Variants in IFFO2 observed in about 807,000 individuals in gnomAD.
IFFO2 encodes intermediate filament family orphan 2.
A neutral mutation model predicts 53.5 loss-of-function variants in IFFO2; 19 were observed. That is an observed-to-expected ratio of 0.36 (90% CI 0.25 to 0.52). IFFO2 has a LOEUF of 0.52. Ranked by LOEUF, IFFO2 falls within the 20% of genes least tolerant of loss-of-function variation. The pLI, the probability that IFFO2 is intolerant of heterozygous loss-of-function variation, is 0.94. For missense variants in IFFO2, 570 were observed against 727.4 expected, an observed-to-expected ratio of 0.78 and a Z score of 2.49; for synonymous variants, 303 against 313.6, an observed-to-expected ratio of 0.97 and a Z score of 0.36.
chr1:18,932,308 C>T (rs1936389373), intron 1 of IFFO2, among the ~76,000 whole-genome samples: 1 of 152,210 alleles, frequency 6.6e-6, no homozygotes, highest in African/African-American at 2.4e-5. Flanking sequence ...AGAGCAGCAA[C>T]CTTGTTTCTC....
intron 5 of IFFO2, among the ~76,000 whole-genome samples, chr1:18,914,894 G>T (rs1198159050): frequency 1.3e-5 from 2 of 150,574 alleles, no homozygotes; most frequent in Non-Finnish European, 2.9e-5. Flanking sequence ...GGTATCAAAA[G>T]AGGAATCAAG....
At chr1:18,912,688 A>G (rs1936059109) in intron 5 of IFFO2, among the ~76,000 whole-genome samples, 1 of 152,202 alleles carries the variant, frequency 6.6e-6, no homozygotes, top group Admixed American at 6.5e-5. Flanking sequence ...CAACGCCCTC[A>G]AAACAATTCC....
chr1:18,955,618 T>TG lies in IFFO2; in HGVS notation c.665+49dup. 3 of 1,517,274 alleles carry TG rather than the reference T, an allele frequency of 2.0e-6. No individual in the cohort carries two copies. In the South Asian group the frequency reaches 3.6e-5, roughly 18 times the overall value. The allele number at this position is 1,517,274 out of a possible 1,614,324, so 94.0% of individuals were successfully genotyped here. On this transcript the variant is annotated intron_variant, in intron 1 of 8. Coordinates refer to ENST00000455833, the MANE Select transcript of IFFO2 (RefSeq NM_001136265.2). ...CCCGCATACGCATTCCGCGGCAGCCTGGACCTGGGCGCCCCGTCCCAGGGC... is the reference window on the plus strand; with the variant it reads ...CCCGCATACGCATTCCGCGGCAGCCTGGGACCTGGGCGCCCCGTCCCAGGGC...
chr1:18,924,167 C>G (rs1023490812), intron 1 of IFFO2, among the ~76,000 whole-genome samples: 1 of 152,232 alleles, frequency 6.6e-6, no homozygotes, highest in Non-Finnish European at 1.5e-5. Context: ...CCAGTGTTGA[C>G]AATGCAGAAA....
intron 1 of IFFO2, among the ~76,000 whole-genome samples, chr1:18,923,494 G>C (rs1304809709): frequency 6.6e-6 from 1 of 152,290 alleles, no homozygotes; most frequent in East Asian, 1.9e-4. Flanking sequence ...CATTAACTGG[G>C]GGGTACGTTC....
intron 5 of IFFO2, among the ~76,000 whole-genome samples, chr1:18,914,486 G>A (rs935562480): frequency 8.5e-5 from 13 of 152,258 alleles, no homozygotes; most frequent in African/African-American, 2.4e-4. Context: ...CCAGGGCAAC[G>A]TTCAGAAAAC....
chr1:18,912,466 A>C (rs959202122), intron 5 of IFFO2, among the ~76,000 whole-genome samples: 4 of 152,230 alleles, frequency 2.6e-5, no homozygotes, highest in African/African-American at 9.7e-5. Flanking sequence ...CAATTTGGAA[A>C]GGTTGGTATT....
chr1:18,912,124 A>C, intron 5 of IFFO2, 41 bp from the exon 6 acceptor site: 1 of 1,550,652 alleles, frequency 6.4e-7, no homozygotes, highest in South Asian at 1.2e-5. Flanking sequence ...AACAGAAGGC[A>C]GGCTCCAGGG....
intron 1 of IFFO2, among the ~76,000 whole-genome samples, chr1:18,950,718 G>T (rs931607380): frequency 1.3e-5 from 2 of 152,228 alleles, no homozygotes; most frequent in African/African-American, 4.8e-5. Flanking sequence ...CGGGCTTCGG[G>T]ACATTCAGGG....
Position 18,917,173 on chromosome 1 carries a change from G to A in IFFO2, c.964-131C>T, listed in dbSNP as rs1458412567. ...CTGGGGCCGGCCAGTGCCAGGAAAG[G>A]TGCAGGTCCTCTAAGAAGCAGGCGG... On this transcript the variant is annotated intron_variant, in intron 4 of 8. Coordinates refer to ENST00000455833, the MANE Select transcript of IFFO2 (RefSeq NM_001136265.2). The surrounding 1 kb of genome is among the most constrained non-coding windows in gnomAD (Gnocchi z 5.9). The A allele has an allele frequency of 5.0e-6, 5 of 1,007,904 alleles. No homozygotes were observed. The highest frequency in any genetic ancestry group is 7.1e-6 in the Non-Finnish European group (5 of 700,226). 62.4% of individuals were successfully genotyped at this position (1,007,904 alleles called of 1,614,324 possible).
rs1056460231 is a variant in IFFO2, at chr1:18,947,020, T to A, written c.665+8648A>T. ...GATGCTGCCACATGGCATGACACATTTGTCTATGTCCCCAGATTCTGAGTT... is the reference window on the plus strand; with the variant it reads ...GATGCTGCCACATGGCATGACACATATGTCTATGTCCCCAGATTCTGAGTT... On this transcript the variant is annotated intron_variant, in intron 1 of 8. Transcript: ENST00000455833. This position sits in a 1 kb window ranked among gnomAD's most constrained non-coding sequence, Gnocchi z 5.0. Among the ~76,000 whole-genome samples, 2 of 152,218 alleles carry A rather than the reference T, an allele frequency of 1.3e-5. No individual in the cohort carries two copies. The highest frequency in any genetic ancestry group is 4.8e-5 in the African/African-American group (2 of 41,456).
rs138634121 is a variant in IFFO2, at chr1:18,919,947, T to C, written c.727-174A>G. On this transcript the variant is annotated intron_variant, in intron 2 of 8. Transcript: ENST00000455833. The surrounding 1 kb of genome is among the most constrained non-coding windows in gnomAD (Gnocchi z 4.9). ...CAGCCTGACTTCCCACTGAACACTG[T>C]TGACTGCTTAAAACACTTTTCAAAG... Among the ~76,000 whole-genome samples the C allele has an allele frequency of 8.1e-3, 1,234 of 152,362 alleles. 19 individuals carry two copies. Among genetic ancestry groups the C allele is most frequent in the African/African-American group, 0.028 (1,163 of 41,588 alleles).
intron 1 of IFFO2, among the ~76,000 whole-genome samples, chr1:18,926,457 C>G (rs1326978037): frequency 6.6e-6 from 1 of 152,142 alleles, no homozygotes; most frequent in Non-Finnish European, 1.5e-5. Context: ...ACAAAGAGTG[C>G]AGGGAGAGGA....
At chr1:18,941,534 A>G (rs967111130) in intron 1 of IFFO2, among the ~76,000 whole-genome samples, 1 of 152,224 alleles carries the variant, frequency 6.6e-6, no homozygotes, top group Admixed American at 6.5e-5. Context: ...AAGGCAGTCT[A>G]TGAAAACACA....
rs566695440 is a variant in IFFO2, at chr1:18,928,033, C to T, written c.666-6912G>A. Among the ~76,000 whole-genome samples, 3 of 152,384 alleles carry T rather than the reference C, an allele frequency of 2.0e-5. No individual in the cohort carries two copies. The highest frequency in any genetic ancestry group is 2.1e-4 in the South Asian group (1 of 4,834). ...CCGCCACCACTGCTAACACAGGGCT[C>T]ACCTCCTGGGCAGCTCAGCACTGAT... On this transcript the variant is annotated intron_variant, in intron 1 of 8. Transcript: ENST00000455833. The surrounding 1 kb of genome is among the most constrained non-coding windows in gnomAD (Gnocchi z 4.9).
In IFFO2 at chr1:18,947,750, T is replaced by G. The variant is rs529374787; in HGVS notation, c.665+7918A>C. On this transcript the variant is annotated intron_variant, in intron 1 of 8. Coordinates refer to ENST00000455833, the MANE Select transcript of IFFO2 (RefSeq NM_001136265.2). The surrounding 1 kb of genome is among the most constrained non-coding windows in gnomAD (Gnocchi z 5.0). ...CCCGGGAGCCTCATCTGCCTGCTACTGCCAGTGATTCATTTGCTTCTCAAG... is the reference window on the plus strand; with the variant it reads ...CCCGGGAGCCTCATCTGCCTGCTACGGCCAGTGATTCATTTGCTTCTCAAG... Among the ~76,000 whole-genome samples, 39 of 152,380 alleles carry G rather than the reference T, an allele frequency of 2.6e-4. No individual in the cohort carries two copies. The highest frequency in any genetic ancestry group is 8.7e-4 in the African/African-American group (36 of 41,584).
chr1:18,931,770 T>C (rs1569852811), intron 1 of IFFO2, among the ~76,000 whole-genome samples: 1 of 152,168 alleles, frequency 6.6e-6, no homozygotes, highest in South Asian at 2.1e-4. Context: ...TCCATATGGC[T>C]CCCAAGCCTG....
rs1936036766 is a variant in IFFO2, at chr1:18,911,457, T to C, written c.1244A>G (p.Asn415Ser). ...GAAGGATTCGGTCTCATGGATCAAG[T>C]TGCCCAAGTTTTCCTCTTGCTGGGG... Reference protein sequence around the residue: ...LQGEQEENLGNLIHETESFFK... With the variant: ...LQGEQEENLGSLIHETESFFK... Residue 415 changes from asparagine (N) to serine (S), a missense_variant, in exon 7 of 9, where the codon AAC becomes AGC. By Grantham distance (46) the Asn-to-Ser change is conservative. Coordinates refer to ENST00000455833, the MANE Select transcript of IFFO2 (RefSeq NM_001136265.2). 4.0e-6 allele frequency: 6 copies of C among 1,509,248 alleles called. No individual in the cohort carries two copies. The highest frequency in any genetic ancestry group is 5.3e-6 in the Non-Finnish European group (6 of 1,128,454). 93.5% of individuals were successfully genotyped at this position (1,509,248 alleles called of 1,614,324 possible).
In IFFO2 at chr1:18,908,490, C is replaced by T; in HGVS notation, c.*71G>A. 1 of 1,179,606 alleles carries T rather than the reference C, an allele frequency of 8.5e-7. No homozygotes were observed. The allele number at this position is 1,179,606 out of a possible 1,614,324, so 73.1% of individuals were successfully genotyped here. On this transcript the variant is annotated 3_prime_UTR_variant, in exon 9 of 9. Coordinates refer to ENST00000455833, the MANE Select transcript of IFFO2 (RefSeq NM_001136265.2). ...GGCTTCGAACCCCACTCCGAGGGGC[C>T]TTCCTGGCCCCATGAGGAGAGGTGG...
Sources: allele counts gnomAD v4.1 joint callset (sites outside exome capture counted in the v4.1 genomes callset), GRCh38; gene constraint gnomAD v4.1.1; non-coding constraint Gnocchi (gnomAD v3.1); transcripts MANE v1.5; gene names NCBI Gene and HGNC (gene_info 2026-07-23, HGNC 2026-07-21).